USP13: variants seen among roughly 807,000 people sequenced by gnomAD.
USP13 encodes ubiquitin specific peptidase 13.
USP13 carries 68 observed loss-of-function variants against 107.8 expected under a neutral mutation model. That is an observed-to-expected ratio of 0.63 (90% CI 0.52 to 0.77). The LOEUF is 0.77. Among genes scored for constraint, USP13 ranks in the 30% least tolerant of loss-of-function variants. The pLI is 0.00. For synonymous variants in USP13, 377 were observed against 389.5 expected, an observed-to-expected ratio of 0.97 and a Z score of 0.38; for missense variants, 945 against 1,093.3, an observed-to-expected ratio of 0.86 and a Z score of 1.91.
Position 179,698,837 on chromosome 3 carries a change from A to G in USP13, c.356-2171A>G, listed in dbSNP as rs985462405. Among the ~76,000 whole-genome samples, 9 of 151,324 alleles carry G rather than the reference A, an allele frequency of 5.9e-5. No homozygotes were observed. In the South Asian group the frequency reaches 1.0e-3, roughly 17 times the overall value. The stretch of plus-strand genomic sequence containing the variant: ...CTGTTCCTACATAGTCTAAATAACT[A>G]TGATTTAAATAATATTCTATTGGGT... On this transcript the variant is annotated intron_variant, in intron 3 of 20. Transcript: ENST00000263966.
intron 10 of USP13, among the ~76,000 whole-genome samples, chr3:179,736,378 C>T (rs191338044): frequency 6.6e-6 from 1 of 152,098 alleles, no homozygotes; most frequent in East Asian, 1.9e-4. Context: ...TAGTTGACCA[C>T]GGGAATTAGT....
chr3:179,696,521 C>T (rs891982579), intron 3 of USP13, among the ~76,000 whole-genome samples: 3 of 152,006 alleles, frequency 2.0e-5, no homozygotes, highest in Non-Finnish European at 4.4e-5. Flanking sequence ...TTAGTAGAGA[C>T]GGGGTTTCGC....
Position 179,664,187 on chromosome 3 carries a change from C to G in USP13, c.168+10794C>G, listed in dbSNP as rs1720525189. ...TCAGGCTGGAGTGCAGTGGCATGATCTTGGCTCACTGCAACCTCTGCCTCC... is the reference window on the plus strand; with the variant it reads ...TCAGGCTGGAGTGCAGTGGCATGATGTTGGCTCACTGCAACCTCTGCCTCC... On this transcript the variant is annotated intron_variant, in intron 1 of 20. Coordinates refer to ENST00000263966, the MANE Select transcript of USP13 (RefSeq NM_003940.3). 2.7e-5 allele frequency among the ~76,000 whole-genome samples: 4 copies of G among 150,418 alleles called. No individual in the cohort carries two copies. The South Asian group carries it at 8.4e-4, about 31-fold the overall frequency.
intron 2 of USP13, among the ~76,000 whole-genome samples, chr3:179,689,173 G>A (rs1265855120): frequency 3.3e-5 from 5 of 152,162 alleles, no homozygotes; most frequent in African/African-American, 1.2e-4. Flanking sequence ...ACCCACACAT[G>A]GTGGTCTGCT....
chr3:179,675,358 A>T (rs1396350658), intron 1 of USP13, among the ~76,000 whole-genome samples: 1 of 151,752 alleles, frequency 6.6e-6, no homozygotes, highest in East Asian at 1.9e-4. Context: ...TACTGATGTT[A>T]ATTTTCCTAG....
chr3:179,730,113 A>C, intron 8 of USP13, 76 bp from the exon 9 acceptor site: 2 of 1,408,342 alleles, frequency 1.4e-6, no homozygotes, highest in Non-Finnish European at 2.0e-6. Flanking sequence ...AGGTCTTAGC[A>C]AGAATTTTGA....
At chr3:179,700,669 C>G (rs530722829) in intron 3 of USP13, among the ~76,000 whole-genome samples, 1 of 152,132 alleles carries the variant, frequency 6.6e-6, no homozygotes, top group African/African-American at 2.4e-5. Flanking sequence ...AATTACCAAT[C>G]CTTGCCTTTT....
intron 16 of USP13, among the ~76,000 whole-genome samples, chr3:179,757,755 C>T (rs756364434): frequency 2.0e-5 from 3 of 152,206 alleles, no homozygotes; most frequent in Non-Finnish European, 2.9e-5. Context: ...GAATCTTACA[C>T]ATTGCGAATG....
chr3:179,667,150 G>A (rs73052567), intron 1 of USP13, among the ~76,000 whole-genome samples: 2,818 of 152,244 alleles, frequency 0.019, 79 homozygotes, highest in African/African-American at 0.064. Context: ...GGTTCCCTTC[G>A]AGAAGAAGAT....
chr3:179,715,806 G>C (rs754792224), intron 6 of USP13, among the ~76,000 whole-genome samples: 8 of 152,268 alleles, frequency 5.3e-5, no homozygotes, highest in Non-Finnish European at 1.2e-4. Context: ...CTGACTCTGA[G>C]GAGAATCTCT....
At chr3:179,674,078 AG>A (rs2108446497) in intron 1 of USP13, among the ~76,000 whole-genome samples, 1 of 152,104 alleles carries the variant, frequency 6.6e-6, no homozygotes, top group South Asian at 2.1e-4. Context: ...TTTTTAGTAG[AG>A]GCGGGGTTTC....
At chr3:179,760,485 G>A (rs917626999) in intron 16 of USP13, among the ~76,000 whole-genome samples, 59 of 151,418 alleles carry the variant, frequency 3.9e-4, no homozygotes, top group African/African-American at 5.8e-4. Context: ...GGGTTTCACC[G>A]TGTTAGCCAG....
rs528050903 is a variant in USP13, at chr3:179,667,560, G to A, written c.168+14167G>A. On this transcript the variant is annotated intron_variant, in intron 1 of 20. Coordinates refer to ENST00000263966, the MANE Select transcript of USP13 (RefSeq NM_003940.3). Reference sequence around the variant, plus strand: ...CATGTTCCCCATTTGTCCTGAAACTGTTGTAGTAGCTGGACCTCGTGCCCT... The same window carrying A: ...CATGTTCCCCATTTGTCCTGAAACTATTGTAGTAGCTGGACCTCGTGCCCT... Among the ~76,000 whole-genome samples, 3 of 152,316 alleles carry A rather than the reference G, an allele frequency of 2.0e-5. No homozygotes were observed. The East Asian group carries it at 5.8e-4, about 29-fold the overall frequency.
chr3:179,759,169 G>T (rs909708268), intron 16 of USP13, among the ~76,000 whole-genome samples: 26 of 151,934 alleles, frequency 1.7e-4, no homozygotes, highest in Admixed American at 9.2e-4. Context: ...TTTTAGTAGA[G>T]ATGGGGTTTC....
intron 4 of USP13, among the ~76,000 whole-genome samples, chr3:179,704,045 G>T (rs1329585239): frequency 1.3e-5 from 2 of 152,028 alleles, no homozygotes; most frequent in African/African-American, 4.8e-5. Flanking sequence ...AGGTCTTTTC[G>T]CATCACTTGA....
chr3:179,656,131 C>G (rs770197976), intron 1 of USP13, among the ~76,000 whole-genome samples: 10 of 152,178 alleles, frequency 6.6e-5, no homozygotes, highest in Non-Finnish European at 1.2e-4. Flanking sequence ...GATCAACATT[C>G]AAGGCCAGGG....
chr3:179,689,011 A>AATG (rs1711996462), intron 2 of USP13, among the ~76,000 whole-genome samples: 1 of 152,258 alleles, frequency 6.6e-6, no homozygotes, highest in Non-Finnish European at 1.5e-5. Context: ...GTAAAAACTT[A>AATG]ATGTGAGAAT....
chr3:179,743,929 T>TG (rs1471198937), intron 12 of USP13, among the ~76,000 whole-genome samples: 1 of 139,576 alleles, frequency 7.2e-6, no homozygotes, highest in Non-Finnish European at 1.5e-5. Context: ...ATAAGGAGTT[T>TG]TTTTTTTTTT....
chr3:179,776,053 CACCT>C (rs1190163799), intron 19 of USP13, among the ~76,000 whole-genome samples: 1 of 152,200 alleles, frequency 6.6e-6, no homozygotes, highest in East Asian at 1.9e-4. Context: ...CACCAGGTCC[CACCT>C]CCAACATTGG....
Sources: allele counts gnomAD v4.1 joint callset (sites outside exome capture counted in the v4.1 genomes callset), GRCh38; gene constraint gnomAD v4.1.1; transcripts MANE v1.5; gene names NCBI Gene and HGNC (gene_info 2026-07-23, HGNC 2026-07-21).